Variants in DLC1 observed in about 807,000 individuals in gnomAD.
The protein encoded by DLC1 is DLC1 Rho GTPase activating protein.
A neutral mutation model predicts 140.3 loss-of-function variants in DLC1; 54 were observed. That is an observed-to-expected ratio of 0.38 (90% confidence interval 0.31 to 0.48). The LOEUF (loss-of-function observed/expected upper bound fraction) is 0.48, where lower values mean the gene tolerates loss of function less well. Among genes scored for constraint, DLC1 ranks in the 20% least tolerant of loss-of-function variants. The pLI, the probability that DLC1 is intolerant of heterozygous loss-of-function variation, is 0.96. For missense variants in DLC1, 2,536 were observed against 1,907.0 expected (o/e 1.33, Z -6.14); for synonymous variants, 986 against 728.1 (o/e 1.35, Z -5.70).
intron 4 of DLC1, among the ~76,000 whole-genome samples, chr8:13,312,357 T>A (rs1832702335): frequency 1.1e-3 from 1 of 886 alleles, no homozygotes; most frequent in Non-Finnish European, 3.8e-3. Flanking sequence ...CGAGACTCCG[T>A]CTCAAAAAAA....
chr8:13,375,598 G>A (rs944699762), intron 4 of DLC1, among the ~76,000 whole-genome samples: 1 of 152,148 alleles, frequency 6.6e-6, no homozygotes, highest in Non-Finnish European at 1.5e-5. Context: ...TTTTTCAAAG[G>A]GAATGCTTCC....
chr8:13,567,105 C>T lies in DLC1; in HGVS notation c.-126+37432G>A, dbSNP rs895104102. On this transcript the variant is annotated intron_variant, in intron 1 of 1. Transcript: ENST00000631382. ...ATGAGGTACAGACTTCCAGCTCATT[C>T]AGCTCCTCTGGAGGACGGCAGTCCT... The T allele has an allele frequency of 2.6e-6, 4 of 1,551,668 alleles. No individual in the cohort carries two copies. The Admixed American group carries it at 5.9e-5, about 23-fold the overall frequency.
intron 10 of DLC1, among the ~76,000 whole-genome samples, chr8:13,097,216 C>T (rs887461188): frequency 2.0e-5 from 3 of 151,382 alleles, no homozygotes; most frequent in African/African-American, 7.3e-5. Flanking sequence ...AATTCTTTAG[C>T]ACAGGTGGAT....
intron 4 of DLC1, among the ~76,000 whole-genome samples, chr8:13,351,248 A>T (rs925091524): frequency 6.6e-6 from 1 of 152,224 alleles, no homozygotes; most frequent in African/African-American, 2.4e-5. Context: ...ACAATAGACC[A>T]AGGGGAAAAG....
intron 2 of DLC1, among the ~76,000 whole-genome samples, chr8:13,468,652 GAGGTGCATC>G (rs1384638592): frequency 2.0e-5 from 3 of 151,750 alleles, no homozygotes; most frequent in Non-Finnish European, 1.5e-5. Flanking sequence ...TAGGGTTACA[GAGGTGCATC>G]AGCATGTCAG....
chr8:13,386,165 C>T (rs931806154), intron 4 of DLC1, among the ~76,000 whole-genome samples: 1 of 152,118 alleles, frequency 6.6e-6, no homozygotes, highest in African/African-American at 2.4e-5. Flanking sequence ...TGATAGCATG[C>T]AAAGTACTAT....
intron 10 of DLC1, 102 bp from the exon 11 acceptor site, chr8:13,095,347 T>A: frequency 7.1e-7 from 1 of 1,413,970 alleles, no homozygotes; most frequent in Non-Finnish European, 9.7e-7. Flanking sequence ...TCCAGATCTG[T>A]GCTAATACGG....
intron 2 of DLC1, among the ~76,000 whole-genome samples, chr8:13,435,232 C>A (rs1465121860): frequency 6.6e-6 from 1 of 152,184 alleles, no homozygotes; most frequent in African/African-American, 2.4e-5. Flanking sequence ...AATATCCCCA[C>A]AACTAGAATT....
chr8:13,324,441 G>A (rs10093646), intron 4 of DLC1, among the ~76,000 whole-genome samples: 57,118 of 151,622 alleles, frequency 0.38, 11,109 homozygotes, highest in Middle Eastern at 0.48. Context: ...GGTGGCGGGC[G>A]CCTGTAGTCC....
At chr8:13,152,875 CTGCTGCCATTTT>C (rs1184893788) in intron 5 of DLC1, among the ~76,000 whole-genome samples, 5 of 147,408 alleles carry the variant, frequency 3.4e-5, no homozygotes, top group South Asian at 2.2e-4. Context: ...ATCTGAAAAG[CTGCTGCCATTTT>C]TGCCTTAGAG....
intron 5 of DLC1, among the ~76,000 whole-genome samples, chr8:13,134,281 G>A (rs1401553382): frequency 2.0e-5 from 3 of 152,116 alleles, no homozygotes. Flanking sequence ...GCTATCTCTG[G>A]GCAAGGAAGA....
At chr8:13,412,141 G>C (rs1017018306) in intron 2 of DLC1, among the ~76,000 whole-genome samples, 1 of 151,954 alleles carries the variant, frequency 6.6e-6, no homozygotes, top group Non-Finnish European at 1.5e-5. Context: ...TAATAAAATT[G>C]GTCAAAGCAT....
At position 13,104,131 on chromosome 8, in the gene DLC1, A is replaced by G. The variant is rs1046812226; in HGVS notation, c.1503-1278T>C. Among the ~76,000 whole-genome samples the G allele has an allele frequency of 2.3e-4, 35 of 152,240 alleles. 1 individual carries two copies. The highest frequency in any genetic ancestry group is 2.1e-3 in the Admixed American group (32 of 15,286). ...ACAGCTTCCTGTTATAGGACAATAT[A>G]ATGTGTGCTATAGTCACGGCAAATG... is the stretch of plus-strand genomic sequence containing the variant. On this transcript the variant is annotated intron_variant, in intron 7 of 17. Transcript: ENST00000276297.
chr8:13,597,129 C>T (rs1481592), intron 1 of DLC1, among the ~76,000 whole-genome samples: 98,979 of 151,856 alleles, frequency 0.65, 33,855 homozygotes, highest in Non-Finnish European at 0.76. Context: ...AATGCTATTA[C>T]GTTTGCAGTT....
Position 13,230,122 on chromosome 8 carries a change from A to G in DLC1, c.1348+75147T>C, listed in dbSNP as rs369298413. 4.6e-5 allele frequency among the ~76,000 whole-genome samples: 7 copies of G among 152,360 alleles called. No individual in the cohort carries two copies. The East Asian group carries it at 1.3e-3, about 29-fold the overall frequency. ...TTTATGAGGTTCACTGATTTCATGCACACCAAACAGGCGAGAAACGGCATT... is the reference window on the plus strand; with the variant it reads ...TTTATGAGGTTCACTGATTTCATGCGCACCAAACAGGCGAGAAACGGCATT... On this transcript the variant is annotated intron_variant, in intron 5 of 17. Transcript: ENST00000276297.
At chr8:13,134,023 C>T (rs1405484610) in intron 5 of DLC1, among the ~76,000 whole-genome samples, 12 of 152,180 alleles carry the variant, frequency 7.9e-5, no homozygotes, top group African/African-American at 1.9e-4. Flanking sequence ...GGCCACAGTC[C>T]GAATGCAGCT....
intron 5 of DLC1, among the ~76,000 whole-genome samples, chr8:13,251,528 C>T (rs567111063): frequency 6.6e-6 from 1 of 152,082 alleles, no homozygotes; most frequent in African/African-American, 2.4e-5. Context: ...CAACTTTCCA[C>T]CTCTTTTACA....
Position 13,258,511 on chromosome 8 carries a change from A to G in DLC1, c.1348+46758T>C, listed in dbSNP as rs544031473. Among the ~76,000 whole-genome samples the G allele has an allele frequency of 2.0e-5, 3 of 152,312 alleles. No homozygotes were observed. In the South Asian group the frequency reaches 6.2e-4, roughly 32 times the overall value. On this transcript the variant is annotated intron_variant, in intron 5 of 17. Transcript: ENST00000276297. ...AAACCCTCTAAGGTTACAAGAACACAATGGACTTTGGATTGGGGGGAATTA... is the reference window on the plus strand; with the variant it reads ...AAACCCTCTAAGGTTACAAGAACACGATGGACTTTGGATTGGGGGGAATTA...
chr8:13,404,441 G>C (rs1361196731), intron 2 of DLC1, among the ~76,000 whole-genome samples: 1 of 152,060 alleles, frequency 6.6e-6, no homozygotes, highest in African/African-American at 2.4e-5. Context: ...CTGGGGTAGG[G>C]GGCCAGAAGG....
Sources: gnomAD v4.1 joint callset for allele counts (sites outside exome capture counted in the v4.1 genomes callset) on GRCh38, gnomAD v4.1.1 for gene constraint, MANE v1.5 for transcripts, NCBI Gene and HGNC (gene_info 2026-07-23, HGNC 2026-07-21) for gene names.